RAPGEF1: variants seen among roughly 807,000 people sequenced by gnomAD.
RAPGEF1 encodes Rap guanine nucleotide exchange factor 1, also known as CRK SH3-binding GNRP.
In RAPGEF1, 33 loss-of-function variants were observed where a neutral mutation model predicts 143.3. The ratio of observed to expected loss-of-function variants is 0.23; its 90% CI spans 0.17 to 0.31. The LOEUF (loss-of-function observed/expected upper bound fraction) is 0.31. RAPGEF1 is among the 10% of genes least tolerant of loss of function. The pLI is 1.00. For missense variants in RAPGEF1, 1,199 were observed against 1,645.4 expected (o/e 0.73, Z 4.69); for synonymous variants, 629 against 676.5 (o/e 0.93, Z 1.09).
intron 1 of RAPGEF1, among the ~76,000 whole-genome samples, chr9:131,678,508 G>C (rs1832629871): frequency 6.6e-6 from 1 of 152,204 alleles, no homozygotes; most frequent in South Asian, 2.1e-4. Flanking sequence ...TAAACCACTA[G>C]TATAAGCCAG....
At chr9:131,579,751 C>T (rs776962369) in intron 26 of RAPGEF1, 104 bp from the exon 27 acceptor site, 161 of 1,257,162 alleles carry the variant, frequency 1.3e-4, no homozygotes, top group Non-Finnish European at 1.7e-4. Flanking sequence ...CCCACAGCCT[C>T]GCAGCAAACG....
chr9:131,657,624 G>T (rs1197672631), intron 1 of RAPGEF1, among the ~76,000 whole-genome samples: 6 of 152,280 alleles, frequency 3.9e-5, no homozygotes, highest in Admixed American at 3.9e-4. Context: ...GGCACTAGTG[G>T]CTACTGAGGC....
chr9:131,661,426 G>GT (rs1191738393), intron 1 of RAPGEF1, among the ~76,000 whole-genome samples: 11 of 152,188 alleles, frequency 7.2e-5, no homozygotes, highest in African/African-American at 1.9e-4. Flanking sequence ...TGCTCGGGGA[G>GT]TGGGGGGTGG....
At chr9:131,730,639 G>A (rs1441116235) in intron 1 of RAPGEF1, among the ~76,000 whole-genome samples, 2 of 137,958 alleles carry the variant, frequency 1.4e-5, no homozygotes, top group Non-Finnish European at 3.1e-5. Flanking sequence ...AGGTTGCAGT[G>A]AGCCGAGATC....
chr9:131,712,938 T>A (rs993021753), intron 1 of RAPGEF1, among the ~76,000 whole-genome samples: 1 of 152,090 alleles, frequency 6.6e-6, no homozygotes, highest in Non-Finnish European at 1.5e-5. Context: ...AAGCGTCTTT[T>A]ACAGTCATCC....
intron 1 of RAPGEF1, among the ~76,000 whole-genome samples, chr9:131,709,086 C>T (rs1835312610): frequency 1.3e-5 from 2 of 152,146 alleles, no homozygotes; most frequent in South Asian, 4.1e-4. Flanking sequence ...CGGTGGCTCA[C>T]ACCTATAATC....
chr9:131,713,701 A>G (rs1178019236), intron 1 of RAPGEF1, among the ~76,000 whole-genome samples: 2 of 152,192 alleles, frequency 1.3e-5, no homozygotes, highest in East Asian at 3.8e-4. Flanking sequence ...AGGCAGGAGA[A>G]TCATTTGAGC....
At chr9:131,605,271 C>CAGTG in intron 12 of RAPGEF1, 83 bp from the exon 13 acceptor site, 1 of 1,135,018 alleles carries the variant, frequency 8.8e-7, no homozygotes. Context: ...AGTAGCTGAG[C>CAGTG]AGTGACAGGC....
At chr9:131,718,580 G>A (rs903604100) in intron 1 of RAPGEF1, among the ~76,000 whole-genome samples, 6 of 152,150 alleles carry the variant, frequency 3.9e-5, no homozygotes, top group African/African-American at 9.7e-5. Flanking sequence ...GGGGTTTACC[G>A]AGGGACTGGA....
chr9:131,614,989 T>C (rs889953426), intron 12 of RAPGEF1, among the ~76,000 whole-genome samples: 13 of 152,226 alleles, frequency 8.5e-5, no homozygotes, highest in Non-Finnish European at 1.8e-4. Flanking sequence ...AGCACCCAAA[T>C]AGACCTCTTA....
intron 1 of RAPGEF1, among the ~76,000 whole-genome samples, chr9:131,676,865 A>G (rs1215721424): frequency 6.6e-6 from 1 of 152,220 alleles, no homozygotes; most frequent in Non-Finnish European, 1.5e-5. Context: ...CGGCAGCTTC[A>G]CCAAGAGACT....
chr9:131,708,781 G>A (rs1204362133), intron 1 of RAPGEF1, among the ~76,000 whole-genome samples: 1 of 151,830 alleles, frequency 6.6e-6, no homozygotes, highest in East Asian at 1.9e-4. Flanking sequence ...ACCCAGGCTG[G>A]AGTGCAGTGG....
At chr9:131,602,614 A>G (rs1956448966) in intron 14 of RAPGEF1, among the ~76,000 whole-genome samples, 1 of 152,242 alleles carries the variant, frequency 6.6e-6, no homozygotes, top group Non-Finnish European at 1.5e-5. Context: ...ATTTGAACCC[A>G]GGGCTATCTA....
intron 1 of RAPGEF1, among the ~76,000 whole-genome samples, chr9:131,652,715 A>G (rs535915298): frequency 1.3e-5 from 2 of 152,306 alleles, no homozygotes; most frequent in East Asian, 1.9e-4. Flanking sequence ...GCCTTCTTTT[A>G]TAACACCTCC....
intron 1 of RAPGEF1, among the ~76,000 whole-genome samples, chr9:131,687,317 A>C (rs549413392): frequency 1.3e-5 from 2 of 151,872 alleles, no homozygotes; most frequent in African/African-American, 4.8e-5. Context: ...CAGCCTCCCA[A>C]GTAGCTGGGA....
chr9:131,585,369 G>T (rs957154001), intron 22 of RAPGEF1, among the ~76,000 whole-genome samples: 24 of 151,480 alleles, frequency 1.6e-4, no homozygotes, highest in African/African-American at 5.6e-4. Context: ...TGTAGGGGGG[G>T]GGCGTCTCTC....
intron 1 of RAPGEF1, among the ~76,000 whole-genome samples, chr9:131,659,337 A>T (rs930825103): frequency 3.0e-4 from 46 of 151,686 alleles, no homozygotes; most frequent in African/African-American, 9.4e-4. Context: ...CTTTTTTTTT[A>T]AATCTATTTA....
chr9:131,665,607 A>G (rs1349028084), intron 1 of RAPGEF1, among the ~76,000 whole-genome samples: 1 of 152,032 alleles, frequency 6.6e-6, no homozygotes, highest in Non-Finnish European at 1.5e-5. Context: ...TCCCTCAGAG[A>G]GGCCCTGTGT....
chr9:131,723,902 C>T (rs1206945205), intron 1 of RAPGEF1, among the ~76,000 whole-genome samples: 1 of 152,224 alleles, frequency 6.6e-6, no homozygotes, highest in Non-Finnish European at 1.5e-5. Context: ...GCCAACAGCG[C>T]ACAAGTGTTC....
Sources: allele counts gnomAD v4.1 joint callset (sites outside exome capture counted in the v4.1 genomes callset), GRCh38; gene constraint gnomAD v4.1.1; transcripts MANE v1.5; gene names NCBI Gene and HGNC (gene_info 2026-07-23, HGNC 2026-07-21).